The following GPCPD1 variants were observed in gnomAD, a reference collection of about 807,000 sequenced individuals.
GPCPD1 encodes glycerophosphocholine phosphodiesterase GPCPD1.
Under a neutral mutation model 89.2 loss-of-function variants are expected in GPCPD1, and 29 were observed. The observed-to-expected ratio is 0.33, with a 90% confidence interval of 0.24 to 0.44. GPCPD1 has a LOEUF of 0.44. Ranked by LOEUF, GPCPD1 falls within the 20% of genes least tolerant of loss-of-function variation. The probability of loss-of-function intolerance (pLI) is 1.00; values close to 1 mark genes in which losing one functional copy is unlikely to be tolerated. For missense variants in GPCPD1, 594 were observed against 808.9 expected (o/e 0.73, Z 3.22); for synonymous variants, 258 against 266.3 (o/e 0.97, Z 0.30).
At position 5,547,447 on chromosome 20, in the gene GPCPD1, T is replaced by C. The variant is rs1238379297; in HGVS notation, c.*214A>G. 6.2e-6 allele frequency: 2 copies of C among 321,822 alleles called. No homozygotes were observed. The highest frequency in any genetic ancestry group is 9.6e-5 in the Admixed American group (2 of 20,802). The allele number at this position is 321,822 out of a possible 1,614,324, so 19.9% of individuals were successfully genotyped here. ...AATATTTATATTACTAACCAATAAATTTTCTCACTATAAAGAGACTGACTG... is the reference window on the plus strand; with the variant it reads ...AATATTTATATTACTAACCAATAAACTTTCTCACTATAAAGAGACTGACTG... On this transcript the variant is annotated 3_prime_UTR_variant, in exon 20 of 20. Transcript: ENST00000379019.
chr20:5,573,965 C>T lies in GPCPD1; in HGVS notation c.1006G>A (p.Ala336Thr). The T allele has an allele frequency of 6.8e-7, 1 of 1,473,546 alleles. No individual in the cohort carries two copies. The highest frequency in any genetic ancestry group is 1.1e-5 in the South Asian group (1 of 88,164). 91.3% of individuals were successfully genotyped at this position (1,473,546 alleles called of 1,614,324 possible). A position where few individuals can be genotyped will look rare whatever the true frequency, so the allele number is the denominator to read the frequency against. ...AGNSTTTAQL[A>T]KVQENTIASL... ...GCAATAGTATTTTCTTGAACTTTAG[C>T]CAGCCTGAAAAGAAGAAATACAGTT... Residue 336 changes from alanine (A) to threonine (T), a missense_variant, in exon 11 of 20, where the codon GCT becomes ACT. Physicochemically the swap from Ala to Thr is moderately conservative, Grantham distance 58. Transcript: ENST00000379019.
chr20:5,575,550 C>T lies in GPCPD1; in HGVS notation c.869-5G>A, dbSNP rs368149413. ...GCTTAATAATTATATAGTCAACTTT[C>T]ATAGGAAAAAAGAGGGAGGAACAAA... On this transcript the variant is annotated splice_region_variant and splice_polypyrimidine_tract_variant and intron_variant, in intron 9 of 19. Coordinates refer to ENST00000379019, the MANE Select transcript of GPCPD1 (RefSeq NM_019593.5). The T allele has an allele frequency of 6.5e-7, 1 of 1,549,790 alleles. No homozygotes were observed. The highest frequency in any genetic ancestry group is 1.4e-5 in the African/African-American group (1 of 72,690).
At chr20:5,592,076 T>G (rs886134742) in intron 4 of GPCPD1, among the ~76,000 whole-genome samples, 1 of 152,286 alleles carries the variant, frequency 6.6e-6, no homozygotes, top group Non-Finnish European at 1.5e-5. Flanking sequence ...ATTTGACCTG[T>G]GTTGACAATA....
chr20:5,610,001 C>T (rs2122844048), intron 1 of GPCPD1, among the ~76,000 whole-genome samples: 1 of 152,264 alleles, frequency 6.6e-6, no homozygotes, highest in East Asian at 1.9e-4. Context: ...GAAGAAAAAA[C>T]ATCGGGTCCA....
chr20:5,564,614 G>T (rs1986276806), intron 15 of GPCPD1, among the ~76,000 whole-genome samples: 1 of 152,168 alleles, frequency 6.6e-6, no homozygotes, highest in Admixed American at 6.6e-5. Context: ...GACAGCGTAA[G>T]TCCAGAGGTT....
At chr20:5,597,721 T>C (rs1979830831) in intron 3 of GPCPD1, among the ~76,000 whole-genome samples, 1 of 152,186 alleles carries the variant, frequency 6.6e-6, no homozygotes, top group Admixed American at 6.5e-5. Flanking sequence ...TAACCCCTTT[T>C]TATCATGCAG....
intron 13 of GPCPD1, among the ~76,000 whole-genome samples, chr20:5,567,137 G>C (rs1986431698): frequency 6.6e-6 from 1 of 152,074 alleles, no homozygotes; most frequent in Non-Finnish European, 1.5e-5. Flanking sequence ...TTGCATAAAA[G>C]GCCTATTGTA....
intron 1 of GPCPD1, among the ~76,000 whole-genome samples, chr20:5,608,945 T>A (rs1233199777): frequency 1.3e-5 from 2 of 152,314 alleles, no homozygotes; most frequent in East Asian, 1.9e-4. Context: ...ATCCACATTT[T>A]AAAAAATTTC....
chr20:5,597,398 A>T (rs1979808182), intron 3 of GPCPD1, among the ~76,000 whole-genome samples: 1 of 152,164 alleles, frequency 6.6e-6, no homozygotes, highest in African/African-American at 2.4e-5. Flanking sequence ...CAATATTCTG[A>T]TCTACATACC....
intron 14 of GPCPD1, among the ~76,000 whole-genome samples, 175 bp downstream of exon 14, chr20:5,566,558 T>C (rs1020969451): frequency 2.0e-5 from 3 of 152,230 alleles, no homozygotes; most frequent in Non-Finnish European, 2.9e-5. Flanking sequence ...ACACATGATA[T>C]ATATTTAGTA....
intron 3 of GPCPD1, among the ~76,000 whole-genome samples, chr20:5,596,339 C>T (rs1444386489): frequency 1.3e-5 from 2 of 151,970 alleles, no homozygotes; most frequent in Middle Eastern, 3.2e-3. Flanking sequence ...TTAGAGTGAA[C>T]CGAAATCGTG....
chr20:5,604,286 A>G (rs763763923), intron 2 of GPCPD1, 78 bp downstream of exon 2: 8 of 781,530 alleles, frequency 1.0e-5, no homozygotes, highest in Non-Finnish European at 1.6e-5. Context: ...TCTAATAGCA[A>G]CTCCATATTT....
intron 4 of GPCPD1, among the ~76,000 whole-genome samples, chr20:5,590,277 C>T (rs1012647522): frequency 1.2e-4 from 18 of 152,024 alleles, no homozygotes; most frequent in Non-Finnish European, 1.9e-4. Context: ...GCGGTGGCTC[C>T]TGCTTGTAAT....
At position 5,546,195 on chromosome 20, in the gene GPCPD1, G is replaced by C. The variant is rs1985018384; in HGVS notation, c.*1466C>G. 6.6e-6 allele frequency: 1 copy of C among 152,136 alleles called. No individual in the cohort carries two copies. Among genetic ancestry groups the C allele is most frequent in the African/African-American group, 2.4e-5 (1 of 41,418 alleles). 9.4% of individuals were successfully genotyped at this position (152,136 alleles called of 1,614,324 possible). ...CAACGTTACAAACGCAATACCATAG[G>C]ATTTCAGAGCCTATCTTCACACAAA... On this transcript the variant is annotated 3_prime_UTR_variant, in exon 20 of 20. Coordinates refer to ENST00000379019, the MANE Select transcript of GPCPD1 (RefSeq NM_019593.5).
intron 2 of GPCPD1, among the ~76,000 whole-genome samples, chr20:5,601,811 G>T (rs6053527): frequency 0.72 from 108,874 of 152,084 alleles, 40,071 homozygotes; most frequent in African/African-American, 0.88. Flanking sequence ...TGGTTCACTT[G>T]CCTCTTATAG....
rs1293073686 is a variant in GPCPD1 at position 5,570,183 on chromosome 20, T to C, written c.1113A>G (p.Val371=). ...VHLSKDFVPV[V]YHDLTCCLTM... ...TCAAACAACAGGTAAGATCATGATA[T>C]ACCACGGGCACAAAGTCCTTTGAAA... Residue 371 remains valine, a synonymous_variant, in exon 12 of 20, where the codon GTA becomes GTG. Transcript: ENST00000379019. 8 of 1,590,960 alleles carry C rather than the reference T, an allele frequency of 5.0e-6. No individual in the cohort carries two copies. Among genetic ancestry groups the C allele is most frequent in the Admixed American group, 1.7e-5 (1 of 59,718 alleles).
chr20:5,601,534 A>G (rs1304465913), intron 2 of GPCPD1, among the ~76,000 whole-genome samples: 1 of 151,832 alleles, frequency 6.6e-6, no homozygotes, highest in Admixed American at 6.6e-5. Context: ...ATGCCCGGCT[A>G]ATTTTTGTAT....
intron 12 of GPCPD1, 120 bp downstream of exon 12, chr20:5,570,027 C>T (rs1986615692): frequency 1.9e-6 from 1 of 524,930 alleles, no homozygotes; most frequent in Admixed American, 3.6e-5. Flanking sequence ...GGCAGTAATT[C>T]ACCAAGAAAA....
chr20:5,568,220 AATATACTTAGTATATATATAT>A (rs895304220), intron 12 of GPCPD1, among the ~76,000 whole-genome samples: 16 of 136,966 alleles, frequency 1.2e-4, no homozygotes, highest in Non-Finnish European at 2.1e-4. Context: ...CTGTCCAACA[AATATACTTAGTATATATATAT>A]ATATACTTAG....
Sources: allele counts gnomAD v4.1 joint callset (sites outside exome capture counted in the v4.1 genomes callset), GRCh38; gene constraint gnomAD v4.1.1; transcripts MANE v1.5; gene names NCBI Gene and HGNC (gene_info 2026-07-23, HGNC 2026-07-21).